Variants in AXIN2 observed in about 807,000 individuals in gnomAD.
AXIN2 encodes axin-2.
AXIN2 carries 21 observed loss-of-function variants against 74.7 expected under a neutral mutation model. The ratio of observed to expected loss-of-function variants is 0.28; its 90% CI spans 0.20 to 0.40. AXIN2 has a LOEUF of 0.40. Ranked by LOEUF, AXIN2 falls within the 10% of genes least tolerant of loss-of-function variation. The pLI, the probability that AXIN2 is intolerant of heterozygous loss-of-function variation, is 1.00. For synonymous variants in AXIN2, 532 were observed against 454.9 expected (o/e 1.17, Z -2.16); for missense variants, 1,144 against 1,111.1 (o/e 1.03, Z -0.42).
chr17:65,529,868 T>G lies in AXIN2; in HGVS notation c.*108A>C, dbSNP rs1835619584. 1.9e-6 allele frequency: 3 copies of G among 1,591,600 alleles called. No homozygotes were observed. Among genetic ancestry groups the G allele is most frequent in the Non-Finnish European group, 1.7e-6 (2 of 1,165,536 alleles). On this transcript the variant is annotated 3_prime_UTR_variant, in exon 11 of 11. Transcript: ENST00000307078. ...CGATTCTTCCTTAGACTTTGTCTTC[T>G]TCATTGGTTTAATTTTCCTTCAAAA...
chr17:65,553,555 CGTT>C (rs551340079), intron 2 of AXIN2, among the ~76,000 whole-genome samples: 41 of 152,234 alleles, frequency 2.7e-4, no homozygotes, highest in Admixed American at 1.5e-3. Context: ...GCTTTGCACT[CGTT>C]GTTTAACACA....
chr17:65,554,799 A>C (rs1433249813), intron 2 of AXIN2, among the ~76,000 whole-genome samples: 1 of 152,170 alleles, frequency 6.6e-6, no homozygotes, highest in African/African-American at 2.4e-5. Context: ...CCGTGCAGAA[A>C]GGCGAGGACA....
chr17:65,536,684 G>T, intron 7 of AXIN2, 131 bp from the exon 8 acceptor site: 2 of 1,378,104 alleles, frequency 1.5e-6, no homozygotes, highest in Non-Finnish European at 2.0e-6. Flanking sequence ...ACCATAACAT[G>T]AACAGGGGTC....
Position 65,536,656 on chromosome 17 carries a change from A to T in AXIN2, c.1908-103T>A, listed in dbSNP as rs1022674885. ...AAACTTGTCTATTCTGCTCAGAGAG[A>T]GAGTTAAAAAAAAAACTACCATAAC... is the stretch of plus-strand genomic sequence containing the variant. On this transcript the variant is annotated intron_variant, in intron 7 of 10. Transcript: ENST00000307078. 442 of 1,436,658 alleles carry T rather than the reference A, an allele frequency of 3.1e-4. 1 individual carries two copies. The highest frequency in any genetic ancestry group is 9.0e-5 in the Non-Finnish European group (93 of 1,030,200). 89.0% of individuals were successfully genotyped at this position (1,436,658 alleles called of 1,614,324 possible).
At chr17:65,556,152 A>G (rs2044263440) in intron 2 of AXIN2, among the ~76,000 whole-genome samples, 2 of 152,186 alleles carry the variant, frequency 1.3e-5, no homozygotes, top group Admixed American at 1.3e-4. Context: ...GAGGGTTCAC[A>G]GCAGAGCCCT....
chr17:65,545,486 G>A (rs1054836455), intron 3 of AXIN2, among the ~76,000 whole-genome samples: 8 of 152,100 alleles, frequency 5.3e-5, no homozygotes, highest in Admixed American at 3.3e-4. Flanking sequence ...TCAAGAGATC[G>A]AGACCATCCT....
Position 65,529,859 on chromosome 17 carries a change from T to G in AXIN2, c.*117A>C. On this transcript the variant is annotated 3_prime_UTR_variant, in exon 11 of 11. Transcript: ENST00000307078. ...CCCACTGGCCGATTCTTCCTTAGAC[T>G]TTGTCTTCTTCATTGGTTTAATTTT... 5 of 1,573,766 alleles carry G rather than the reference T, an allele frequency of 3.2e-6. No homozygotes were observed. Among genetic ancestry groups the G allele is most frequent in the Non-Finnish European group, 4.3e-6 (5 of 1,153,550 alleles).
chr17:65,533,386 A>G (rs543192228), intron 10 of AXIN2, among the ~76,000 whole-genome samples: 12 of 152,338 alleles, frequency 7.9e-5, no homozygotes, highest in African/African-American at 2.9e-4. Flanking sequence ...GTTCAGGTGG[A>G]AAGGCAGGGT....
At chr17:65,553,143 T>C (rs3923087) in intron 2 of AXIN2, among the ~76,000 whole-genome samples, 88,001 of 152,092 alleles carry the variant, frequency 0.58, 30,046 homozygotes, top group Non-Finnish European at 0.77. Context: ...TGTTTCCATG[T>C]TGAACACCTG....
At chr17:65,538,132 T>A (rs8078753) in intron 5 of AXIN2, 71 bp downstream of exon 5, 211 of 1,610,580 alleles carry the variant, frequency 1.3e-4, no homozygotes, top group African/African-American at 4.1e-4. Flanking sequence ...ACGCACCCCA[T>A]GCACATGCGC....
chr17:65,552,812 T>A (rs2044212607), intron 2 of AXIN2, among the ~76,000 whole-genome samples: 1 of 152,162 alleles, frequency 6.6e-6, no homozygotes, highest in Admixed American at 6.5e-5. Context: ...GTGGATCACC[T>A]GAGGTCGGGA....
rs2144461425 is a variant in AXIN2 at position 65,537,548 on chromosome 17, G to C, written c.1488C>G (p.Ala496=). The C allele has an allele frequency of 6.2e-7, 1 of 1,612,826 alleles. No homozygotes were observed. The highest frequency in any genetic ancestry group is 8.5e-7 in the Non-Finnish European group (1 of 1,179,686). Residue 496 remains alanine, a synonymous_variant, in exon 6 of 11, where the codon GCC becomes GCG. Coordinates refer to ENST00000307078, the MANE Select transcript of AXIN2 (RefSeq NM_004655.4). ...AGCCTTTGCCCCCGAGGAGGGGGCA[G>C]GCGCCCGGCGAGGCGGCCGCGGGAG... The part of the protein sequence containing the change: ...KLPPAAASPG[A]CPLLGGKGFV...
Position 65,536,427 on chromosome 17 carries a change from C to T in AXIN2, c.2034G>A (p.Leu678=), listed in dbSNP as rs748632114. 6.2e-7 allele frequency: 1 copy of T among 1,613,754 alleles called. No individual in the cohort carries two copies. Among genetic ancestry groups the T allele is most frequent in the Non-Finnish European group, 8.5e-7 (1 of 1,179,978 alleles). ...GAGGCATCGCAGGGTCCTGGGTGAA[C>T]AGGTGGGCACGGGGGGTGGTGCGGG... ...GHPRTTPRAH[L]FTQDPAMPPL... The change falls in exon 8 of 11, where the codon CTG becomes CTA. Residue 678 remains leucine (L), a synonymous_variant. Coordinates refer to ENST00000307078, the MANE Select transcript of AXIN2 (RefSeq NM_004655.4).
Position 65,538,077 on chromosome 17 carries a change from G to A in AXIN2, c.1200+126C>T, listed in dbSNP as rs911956800. 5.9e-6 allele frequency: 9 copies of A among 1,529,366 alleles called. No individual in the cohort carries two copies. In the African/African-American group the frequency reaches 8.2e-5, roughly 14 times the overall value. 94.7% of individuals were successfully genotyped at this position (1,529,366 alleles called of 1,614,324 possible). ...ACGCCCAGGCACACACCCACACGCA[G>A]CCCACGCGCATGCGCATGCAACCCA... On this transcript the variant is annotated intron_variant, in intron 5 of 10. Transcript: ENST00000307078.
rs2043780576 is a variant in AXIN2, at chr17:65,529,446, G to C, written c.*530C>G. On this transcript the variant is annotated 3_prime_UTR_variant, in exon 11 of 11. Coordinates refer to ENST00000307078, the MANE Select transcript of AXIN2 (RefSeq NM_004655.4). Reference sequence around the variant, plus strand: ...GTCTGTCTTCACTTGGAGGGACGTAGTGCAAAGCATAATTCCTCTGTTAGT... The same window carrying C: ...GTCTGTCTTCACTTGGAGGGACGTACTGCAAAGCATAATTCCTCTGTTAGT... 3.7e-6 allele frequency: 1 copy of C among 268,022 alleles called. No individual in the cohort carries two copies. Among genetic ancestry groups the C allele is most frequent in the East Asian group, 5.3e-5 (1 of 18,706 alleles). The allele number at this position is 268,022 out of a possible 1,614,324, so 16.6% of individuals were successfully genotyped here.
rs1598090004 is a variant in AXIN2, at chr17:65,530,064, C to T, written c.2444G>A (p.Gly815Glu). The change falls in exon 11 of 11, where the codon GGA (glycine) becomes GAA (glutamate). Residue 815 changes from glycine (G) to glutamate (E), a missense_variant. Coordinates refer to ENST00000307078, the MANE Select transcript of AXIN2 (RefSeq NM_004655.4). ...FKKASDEFAC[G>E]AVFEEIWEDE... is the part of the protein sequence containing the mutation. ...CTCCCAGATCTCCTCAAACACCGCTCCACAGGCAAACTCATCGCTTGCTTT... is the reference window on the plus strand; with the variant it reads ...CTCCCAGATCTCCTCAAACACCGCTTCACAGGCAAACTCATCGCTTGCTTT... 6.2e-7 allele frequency: 1 copy of T among 1,614,162 alleles called. No individual in the cohort carries two copies. The highest frequency in any genetic ancestry group is 1.6e-4 in the Middle Eastern group (1 of 6,062).
At chr17:65,561,087 C>T (rs1292636090) in intron 1 of AXIN2, 1 of 149,506 alleles carries the variant, frequency 6.7e-6, no homozygotes, top group Non-Finnish European at 1.5e-5. Context: ...CGGGCCTCCG[C>T]CCCCGCCCGG....
At position 65,558,613 on chromosome 17, in the gene AXIN2, C is replaced by T; in HGVS notation, c.8G>A (p.Ser3Asn). Reference sequence around the variant, plus strand: ...CGGGAGGCAAGTCACCAACATAGCGCTACTCATGGTGAGGGAGCTCTTCCC... The same window carrying T: ...CGGGAGGCAAGTCACCAACATAGCGTTACTCATGGTGAGGGAGCTCTTCCC... The part of the protein sequence containing the change: MS[S>N]AMLVTCLPDP... The change falls in exon 2 of 11, where the codon AGC (serine) becomes AAC (asparagine). Residue 3 changes from serine (S) to asparagine (N), a missense_variant. Coordinates refer to ENST00000307078, the MANE Select transcript of AXIN2 (RefSeq NM_004655.4). The T allele has an allele frequency of 1.9e-6, 3 of 1,606,660 alleles. No homozygotes were observed. The highest frequency in any genetic ancestry group is 2.5e-6 in the Non-Finnish European group (3 of 1,179,892).
intron 5 of AXIN2, 171 bp from the exon 6 acceptor site, chr17:65,538,006 G>A (rs936843428): frequency 1.5e-6 from 2 of 1,310,894 alleles, no homozygotes; most frequent in Non-Finnish European, 2.1e-6. Flanking sequence ...ATATCCACAC[G>A]CATATGCACA....
Sources: allele counts gnomAD v4.1 joint callset (sites outside exome capture counted in the v4.1 genomes callset), GRCh38; gene constraint gnomAD v4.1.1; transcripts MANE v1.5; gene names NCBI Gene and HGNC (gene_info 2026-07-23, HGNC 2026-07-21).